Variants in UBR3 observed in about 807,000 individuals in gnomAD.
UBR3 encodes the protein E3 ubiquitin-protein ligase UBR3.
A neutral mutation model predicts 243.2 loss-of-function variants in UBR3; 85 were observed. That is an observed-to-expected ratio of 0.35 (90% CI 0.29 to 0.42). The LOEUF is 0.42. Ranked by LOEUF, UBR3 falls within the 10% of genes least tolerant of loss-of-function variation. The pLI is 1.00. For synonymous variants in UBR3, 748 were observed against 799.8 expected (o/e 0.94, Z 1.09); for missense variants, 1,686 against 2,300.8 (o/e 0.73, Z 5.47).
intron 32 of UBR3, among the ~76,000 whole-genome samples, chr2:170,048,017 T>A (rs903734869): frequency 2.0e-5 from 3 of 152,150 alleles, no homozygotes; most frequent in African/African-American, 7.2e-5. Flanking sequence ...AATCTTAAGC[T>A]CCTCAACTGA....
At chr2:169,953,745 A>G (rs762947762) in intron 23 of UBR3, among the ~76,000 whole-genome samples, 7 of 152,158 alleles carry the variant, frequency 4.6e-5, no homozygotes, top group Non-Finnish European at 7.4e-5. Context: ...TAAAAAGTAC[A>G]CTCTATGGAC....
In UBR3 at chr2:169,866,504, A is replaced by T. The variant is rs147284045; in HGVS notation, c.546-5732A>T. 3.1e-3 allele frequency among the ~76,000 whole-genome samples: 473 copies of T among 152,002 alleles called. 1 individual carries two copies. Among genetic ancestry groups the T allele is most frequent in the Middle Eastern group, 6.8e-3 (2 of 294 alleles). ...CAGCTTCCTGAATAGCTGGGATTACAGGCATACGCCACCATGTCTAGCTAA... is the reference window on the plus strand; with the variant it reads ...CAGCTTCCTGAATAGCTGGGATTACTGGCATACGCCACCATGTCTAGCTAA... On this transcript the variant is annotated intron_variant, in intron 1 of 38. Coordinates refer to ENST00000272793, the MANE Select transcript of UBR3 (RefSeq NM_172070.4).
chr2:169,930,117 G>A (rs1485558120), intron 18 of UBR3, among the ~76,000 whole-genome samples: 1 of 152,140 alleles, frequency 6.6e-6, no homozygotes, highest in Non-Finnish European at 1.5e-5. Flanking sequence ...AAAGTGTGAT[G>A]TGACGATTAC....
intron 33 of UBR3, among the ~76,000 whole-genome samples, chr2:170,055,946 A>G (rs969166815): frequency 2.0e-5 from 3 of 150,898 alleles, no homozygotes; most frequent in African/African-American, 7.3e-5. Context: ...CCCAATCACA[A>G]TCCAAAGATA....
chr2:169,921,624 T>C (rs1437456957), intron 11 of UBR3, among the ~76,000 whole-genome samples: 1 of 152,240 alleles, frequency 6.6e-6, no homozygotes, highest in Non-Finnish European at 1.5e-5. Context: ...TTATTCCTAC[T>C]TTAAGGATCA....
At chr2:169,928,632 T>C (rs527947309) in intron 17 of UBR3, 95 bp from the exon 18 acceptor site, 1 of 1,005,470 alleles carries the variant, frequency 9.9e-7, no homozygotes, top group South Asian at 2.7e-5. Flanking sequence ...AATTACTATT[T>C]GTCTACTTCA....
chr2:169,914,196 T>G (rs1465935945), intron 11 of UBR3, 50 bp downstream of exon 11: 8 of 994,512 alleles, frequency 8.0e-6, no homozygotes, highest in Non-Finnish European at 1.1e-5. Flanking sequence ...GTAAAGACAT[T>G]TAAGAAAAGT....
intron 1 of UBR3, among the ~76,000 whole-genome samples, chr2:169,835,085 G>C (rs1172115066): frequency 1.3e-5 from 2 of 152,134 alleles, no homozygotes; most frequent in Non-Finnish European, 2.9e-5. Flanking sequence ...AAAAGTCCTT[G>C]AGATCGATGG....
At chr2:169,905,339 T>C (rs2084974007) in intron 9 of UBR3, 46 bp downstream of exon 9, 1 of 1,348,670 alleles carries the variant, frequency 7.4e-7, no homozygotes, top group Non-Finnish European at 9.7e-7. Flanking sequence ...ACAAAATTCC[T>C]AATGCTAAAT....
At chr2:170,019,644 C>T (rs189487425) in intron 30 of UBR3, among the ~76,000 whole-genome samples, 159 of 151,888 alleles carry the variant, frequency 1.0e-3, no homozygotes, top group Non-Finnish European at 1.8e-3. Flanking sequence ...ATGATTGTGC[C>T]GTTGCACTAC....
At chr2:169,879,541 T>C (rs1041823062) in intron 5 of UBR3, among the ~76,000 whole-genome samples, 2 of 152,196 alleles carry the variant, frequency 1.3e-5, no homozygotes, top group African/African-American at 4.8e-5. Context: ...TTAGACTGCC[T>C]GGGTTTGACT....
intron 1 of UBR3, among the ~76,000 whole-genome samples, chr2:169,851,835 T>G (rs1285488175): frequency 9.1e-6 from 1 of 109,620 alleles, no homozygotes; most frequent in African/African-American, 4.3e-5. Context: ...AGGCTCCGTC[T>G]CAAAAAAAAA....
At chr2:170,001,938 A>AAAAAAAAAAAAAAG (rs1559175182) in intron 27 of UBR3, among the ~76,000 whole-genome samples, 4 of 130,126 alleles carry the variant, frequency 3.1e-5, no homozygotes, top group African/African-American at 1.3e-4. Context: ...AAAAAAAAAA[A>AAAAAAAAAAAAAAG]AAAAGAAAGA....
intron 19 of UBR3, among the ~76,000 whole-genome samples, chr2:169,940,787 A>G (rs1422323368): frequency 6.6e-6 from 1 of 152,150 alleles, no homozygotes; most frequent in Non-Finnish European, 1.5e-5. Context: ...TCTGTGGTTT[A>G]GTTTTCTGTA....
intron 32 of UBR3, among the ~76,000 whole-genome samples, chr2:170,045,608 G>GAAAGA (rs915419947): frequency 3.4e-4 from 52 of 152,238 alleles, no homozygotes; most frequent in African/African-American, 1.3e-3. Context: ...TTGACTTGAA[G>GAAAGA]AAAGAAAATA....
At chr2:169,920,937 A>G (rs2085673480) in intron 11 of UBR3, among the ~76,000 whole-genome samples, 1 of 152,146 alleles carries the variant, frequency 6.6e-6, no homozygotes, top group Non-Finnish European at 1.5e-5. Context: ...TATGCAGGAT[A>G]ATGGTAGAAG....
intron 18 of UBR3, among the ~76,000 whole-genome samples, chr2:169,930,442 A>G (rs373962500): frequency 1.8e-4 from 27 of 151,564 alleles, no homozygotes; most frequent in African/African-American, 6.3e-4. Context: ...GCTGGAGTGC[A>G]GTGGCGCCAT....
intron 30 of UBR3, among the ~76,000 whole-genome samples, chr2:170,018,113 A>G (rs976447027): frequency 6.6e-6 from 1 of 152,272 alleles, no homozygotes; most frequent in East Asian, 1.9e-4. Flanking sequence ...CCTTTCAGCC[A>G]TTGGTTTAGT....
intron 25 of UBR3, 89 bp downstream of exon 25, chr2:169,986,883 T>G: frequency 7.3e-7 from 1 of 1,375,648 alleles, no homozygotes; most frequent in South Asian, 1.4e-5. Context: ...ATGAAAATTA[T>G]ATCTTTGTCT....
Sources: gnomAD v4.1 joint callset for allele counts (sites outside exome capture counted in the v4.1 genomes callset) on GRCh38, gnomAD v4.1.1 for gene constraint, MANE v1.5 for transcripts, NCBI Gene and HGNC (gene_info 2026-07-23, HGNC 2026-07-21) for gene names.